Variants in LIPM observed in about 807,000 individuals in gnomAD.
LIPM encodes the protein lipase family member M, also known as lipase member M.
A neutral mutation model predicts 42.4 loss-of-function variants in LIPM; 42 were observed. The ratio of observed to expected loss-of-function variants is 0.99; its 90% CI spans 0.77 to 1.28. The LOEUF is 1.28. Ranked by LOEUF, LIPM falls within the 50% of genes most tolerant of loss-of-function variation. The pLI, the probability that LIPM is intolerant of heterozygous loss-of-function variation, is 0.00. For synonymous variants in LIPM, 177 were observed against 173.3 expected, an observed-to-expected ratio of 1.02 and a Z score of -0.17; for missense variants, 524 against 520.1, an observed-to-expected ratio of 1.01 and a Z score of -0.07.
At chr10:88,810,510 CA>C (rs5786838) in intron 2 of LIPM, among the ~76,000 whole-genome samples, 11,828 of 136,918 alleles carry the variant, frequency 0.086, 1,406 homozygotes, top group African/African-American at 0.28. Context: ...TCTCCCATAT[CA>C]AAAAAAAAAA....
At chr10:88,810,062 G>T (rs1437750541) in intron 2 of LIPM, among the ~76,000 whole-genome samples, 1 of 152,126 alleles carries the variant, frequency 6.6e-6, no homozygotes, top group Non-Finnish European at 1.5e-5. Context: ...ATATTTGCAT[G>T]TTTGTCTATT....
In LIPM at chr10:88,802,783, G is replaced by T; in HGVS notation, c.-114G>T. On this transcript the variant is annotated 5_prime_UTR_variant, in exon 1 of 9. Coordinates refer to ENST00000404743, the MANE Select transcript of LIPM (RefSeq NM_001128215.1). The stretch of plus-strand genomic sequence containing the variant: ...AGCTTGCCTAATTTGCTTCAGAATT[G>T]GAAGAGGGAATTGCAGCAGGAAAAT... The T allele has an allele frequency of 3.6e-6, 4 of 1,122,480 alleles. No homozygotes were observed. The highest frequency in any genetic ancestry group is 1.7e-5 in the South Asian group (1 of 58,908). 69.5% of individuals were successfully genotyped at this position (1,122,480 alleles called of 1,614,324 possible).
At chr10:88,809,937 A>G (rs1433527132) in intron 2 of LIPM, among the ~76,000 whole-genome samples, 1 of 152,150 alleles carries the variant, frequency 6.6e-6, no homozygotes, top group African/African-American at 2.4e-5. Flanking sequence ...CAACTTTATC[A>G]GAGTTCTTCC....
chr10:88,810,647 A>C (rs978039636), intron 2 of LIPM, among the ~76,000 whole-genome samples: 4 of 152,226 alleles, frequency 2.6e-5, no homozygotes, highest in African/African-American at 9.6e-5. Context: ...AGTTGGCTTC[A>C]ATATCAAGAG....
intron 2 of LIPM, among the ~76,000 whole-genome samples, chr10:88,812,478 A>G (rs1843666797): frequency 6.6e-6 from 1 of 152,162 alleles, no homozygotes; most frequent in Non-Finnish European, 1.5e-5. Flanking sequence ...AATGTTTTGT[A>G]TTTACTAATT....
At chr10:88,806,488 T>C (rs1843588437) in intron 1 of LIPM, among the ~76,000 whole-genome samples, 1 of 152,126 alleles carries the variant, frequency 6.6e-6, no homozygotes, top group Admixed American at 6.6e-5. Context: ...TATATTTAAC[T>C]CCCCAAATAG....
At chr10:88,819,333 C>T (rs542427238) in intron 8 of LIPM, among the ~76,000 whole-genome samples, 13 of 152,196 alleles carry the variant, frequency 8.5e-5, no homozygotes, top group Admixed American at 2.0e-4. Context: ...AAACTCAGAG[C>T]GAGATATGAC....
chr10:88,816,940 A>G (rs1190513880), intron 7 of LIPM, 53 bp downstream of exon 7: 3 of 1,336,442 alleles, frequency 2.2e-6, no homozygotes, highest in Non-Finnish European at 3.2e-6. Context: ...TATTTTGTGT[A>G]GAATAGTCAA....
chr10:88,808,334 G>A lies in LIPM; in HGVS notation c.184G>A (p.Glu62Lys). The change falls in exon 2 of 9, where the codon GAA (glutamate) becomes AAA (lysine). Residue 62 changes from glutamate to lysine, a missense_variant. Coordinates refer to ENST00000404743, the MANE Select transcript of LIPM (RefSeq NM_001128215.1). ...CCAACATCAAGGCTATCCCTGTGAG[G>A]AATATGAAGTCGCAACTGAAGATGG... ...IIQHQGYPCE[E>K]YEVATEDGYI... The A allele has an allele frequency of 1.3e-6, 2 of 1,551,278 alleles. No homozygotes were observed. The highest frequency in any genetic ancestry group is 1.7e-6 in the Non-Finnish European group (2 of 1,146,616).
chr10:88,805,455 C>T (rs1843574364), intron 1 of LIPM, among the ~76,000 whole-genome samples: 3 of 152,134 alleles, frequency 2.0e-5, no homozygotes, highest in Admixed American at 2.0e-4. Flanking sequence ...TAAACATTGA[C>T]TTTTTTATAC....
intron 3 of LIPM, among the ~76,000 whole-genome samples, 193 bp from the exon 4 acceptor site, chr10:88,814,337 G>A (rs532606185): frequency 6.6e-6 from 1 of 152,308 alleles, no homozygotes; most frequent in African/African-American, 2.4e-5. Context: ...GCAGTTTGCT[G>A]ACAGCCTGTG....
chr10:88,812,359 T>G (rs955112239), intron 2 of LIPM, among the ~76,000 whole-genome samples: 3 of 152,198 alleles, frequency 2.0e-5, no homozygotes, highest in Non-Finnish European at 4.4e-5. Flanking sequence ...TATGGGAAGA[T>G]AATTTCAGGA....
chr10:88,808,300 T>A lies in LIPM; in HGVS notation c.150T>A (p.Ser50Arg). ...AAGAAATTGTGCTTTTTCCATAGAG[T>A]GAAATCATCCAACATCAAGGCTATC... ...AVDPEAFMNI[S>R]EIIQHQGYPC... The change falls in exon 2 of 9, where the codon AGT (serine) becomes AGA (arginine). Residue 50 changes from serine to arginine, a missense_variant and splice_region_variant. By Grantham distance (110) the Ser-to-Arg change is moderately radical. Coordinates refer to ENST00000404743, the MANE Select transcript of LIPM (RefSeq NM_001128215.1). The A allele has an allele frequency of 6.5e-7, 1 of 1,534,732 alleles. No individual in the cohort carries two copies. The highest frequency in any genetic ancestry group is 8.8e-7 in the Non-Finnish European group (1 of 1,131,758).
intron 1 of LIPM, among the ~76,000 whole-genome samples, chr10:88,806,338 C>CA (rs1345403672): frequency 2.4e-4 from 37 of 152,176 alleles, no homozygotes; most frequent in African/African-American, 8.7e-4. Flanking sequence ...CTTGCCTGTC[C>CA]AGCCCTGCTC....
At chr10:88,803,485 TC>T (rs1441794836) in intron 1 of LIPM, among the ~76,000 whole-genome samples, 3 of 152,196 alleles carry the variant, frequency 2.0e-5, no homozygotes, top group Non-Finnish European at 4.4e-5. Flanking sequence ...ACCATTCTAA[TC>T]TACTCTTTTT....
intron 1 of LIPM, among the ~76,000 whole-genome samples, chr10:88,804,041 C>T (rs1459307885): frequency 6.6e-6 from 1 of 152,166 alleles, no homozygotes; most frequent in Non-Finnish European, 1.5e-5. Context: ...TGTATTTATA[C>T]CGATTTAAGA....
intron 2 of LIPM, among the ~76,000 whole-genome samples, chr10:88,811,500 A>C (rs1564596738): frequency 6.6e-6 from 1 of 152,244 alleles, no homozygotes; most frequent in Non-Finnish European, 1.5e-5. Flanking sequence ...GCACCTTATT[A>C]ATCTTTCAGC....
chr10:88,813,004 A>G (rs1445092312), intron 2 of LIPM, 93 bp from the exon 3 acceptor site: 7 of 1,085,200 alleles, frequency 6.5e-6, no homozygotes, highest in Non-Finnish European at 9.5e-6. Context: ...AGATCTGAAC[A>G]CAGGTTTGTT....
chr10:88,813,270 G>C lies in LIPM; in HGVS notation c.439G>C (p.Asp147His), dbSNP rs1318702322. Reference protein sequence around the residue: ...WSRKHKTLSIDQDEFWAFSYD... With the variant: ...WSRKHKTLSIHQDEFWAFSYD... ...TCGAAAACACAAGACACTCTCCATAGACCAAGATGAGTTCTGGGCTTTCAG... is the reference window on the plus strand; with the variant it reads ...TCGAAAACACAAGACACTCTCCATACACCAAGATGAGTTCTGGGCTTTCAG... The change falls in exon 3 of 9, where the codon GAC becomes CAC. Residue 147 changes from aspartate to histidine, a missense_variant. Asp to His is a moderately conservative substitution (Grantham distance 81). Coordinates refer to ENST00000404743, the MANE Select transcript of LIPM (RefSeq NM_001128215.1). The C allele has an allele frequency of 6.2e-7, 1 of 1,608,918 alleles. No individual in the cohort carries two copies. Among genetic ancestry groups the C allele is most frequent in the African/African-American group, 1.3e-5 (1 of 74,712 alleles).
Sources: gnomAD v4.1 joint callset for allele counts (sites outside exome capture counted in the v4.1 genomes callset) on GRCh38, gnomAD v4.1.1 for gene constraint, MANE v1.5 for transcripts, NCBI Gene and HGNC (gene_info 2026-07-23, HGNC 2026-07-21) for gene names.